The following SNX29 variants were observed in gnomAD, a reference collection of about 807,000 sequenced individuals.
SNX29 encodes the protein sorting nexin-29.
A neutral mutation model predicts 102.1 loss-of-function variants in SNX29; 78 were observed. The observed-to-expected ratio is 0.76, with a 90% CI of 0.64 to 0.92. SNX29 has a LOEUF of 0.92. Ranked by LOEUF, SNX29 falls within the 40% of genes least tolerant of loss-of-function variation. SNX29 has a pLI of 0.00. For synonymous variants in SNX29, 580 were observed against 414.5 expected (o/e 1.40, Z -4.85); for missense variants, 1,280 against 1,061.7 (o/e 1.21, Z -2.86).
intron 14 of SNX29, among the ~76,000 whole-genome samples, chr16:12,203,118 G>A (rs1022189401): frequency 1.3e-5 from 2 of 151,468 alleles, no homozygotes; most frequent in African/African-American, 2.4e-5. Flanking sequence ...CAGGTGGACT[G>A]GTGGCATTGG....
chr16:12,038,137 A>G (rs2057527348), intron 4 of SNX29, among the ~76,000 whole-genome samples: 1 of 152,206 alleles, frequency 6.6e-6, no homozygotes, highest in African/African-American at 2.4e-5. Flanking sequence ...TTTATTGGAT[A>G]CACTTTACAT....
intron 15 of SNX29, among the ~76,000 whole-genome samples, chr16:12,285,558 C>G (rs2079568688): frequency 6.6e-6 from 1 of 152,156 alleles, no homozygotes; most frequent in Non-Finnish European, 1.5e-5. Context: ...AAAATACACT[C>G]ATAATCACAC....
chr16:12,474,813 T>C (rs1315165897), intron 18 of SNX29, among the ~76,000 whole-genome samples: 2 of 152,242 alleles, frequency 1.3e-5, no homozygotes, highest in Non-Finnish European at 2.9e-5. Flanking sequence ...TTATAGTTGC[T>C]GTGTATCCTT....
chr16:12,539,091 C>G (rs139467500), intron 20 of SNX29, among the ~76,000 whole-genome samples: 1 of 152,290 alleles, frequency 6.6e-6, no homozygotes, highest in East Asian at 1.9e-4. Flanking sequence ...ATAGATTGCC[C>G]AGAGTCCTAC....
intron 1 of SNX29, among the ~76,000 whole-genome samples, chr16:11,979,554 T>G (rs933762982): frequency 6.6e-6 from 1 of 152,076 alleles, no homozygotes; most frequent in Admixed American, 6.6e-5. Flanking sequence ...TTTCTTCTGT[T>G]CCCCACTTAT....
chr16:12,564,951 A>G lies in SNX29; in HGVS notation c.2319-3555A>G, dbSNP rs77998110. Among the ~76,000 whole-genome samples the G allele has an allele frequency of 1.1e-3, 150 of 132,608 alleles. 4 individuals carry two copies. The highest frequency in any genetic ancestry group is 9.6e-4 in the South Asian group (4 of 4,174). 87.0% of individuals were successfully genotyped at this position (132,608 alleles called of 152,430 possible). ...CTTGGTGTTAAAAAAAAAAAAAAAA[A>G]GGCTGTCATTGTAAATGTGAGGCGT... On this transcript the variant is annotated intron_variant, in intron 20 of 20. Transcript: ENST00000566228.
At chr16:12,183,494 A>C (rs1461189320) in intron 13 of SNX29, among the ~76,000 whole-genome samples, 1 of 152,128 alleles carries the variant, frequency 6.6e-6, no homozygotes, top group Non-Finnish European at 1.5e-5. Flanking sequence ...CTGTGTATAG[A>C]TATGTATGTG....
intron 16 of SNX29, among the ~76,000 whole-genome samples, chr16:12,358,574 C>T (rs1217961966): frequency 6.6e-6 from 1 of 152,188 alleles, no homozygotes; most frequent in Admixed American, 6.5e-5. Flanking sequence ...TAATCTTCCC[C>T]TGCTATCCAT....
At chr16:12,563,848 G>C (rs1456330989) in intron 20 of SNX29, among the ~76,000 whole-genome samples, 3 of 152,184 alleles carry the variant, frequency 2.0e-5, no homozygotes, top group East Asian at 1.9e-4. Context: ...AAATATCCCT[G>C]CTGAATAGCC....
chr16:12,012,696 C>T (rs1020115937), intron 3 of SNX29, among the ~76,000 whole-genome samples: 3 of 152,066 alleles, frequency 2.0e-5, no homozygotes, highest in African/African-American at 4.8e-5. Context: ...CGTGAGCCAC[C>T]GTGCCTGGCA....
chr16:12,206,049 C>T (rs556040393), intron 14 of SNX29, among the ~76,000 whole-genome samples: 1 of 152,190 alleles, frequency 6.6e-6, no homozygotes, highest in Non-Finnish European at 1.5e-5. Flanking sequence ...ATGTGCATCA[C>T]CCCCATGTAA....
chr16:12,355,809 T>A (rs1302551869), intron 15 of SNX29, among the ~76,000 whole-genome samples: 2 of 139,220 alleles, frequency 1.4e-5, no homozygotes, highest in African/African-American at 2.7e-5. Flanking sequence ...CAGTTCCTTG[T>A]TAGATGTCTG....
chr16:12,461,160 A>T (rs144263872), intron 18 of SNX29, among the ~76,000 whole-genome samples: 270 of 152,312 alleles, frequency 1.8e-3, no homozygotes, highest in Non-Finnish European at 3.2e-3. Context: ...TGAAATCAAG[A>T]TTCTATCTCA....
chr16:12,307,951 T>C (rs1217557964), intron 15 of SNX29, among the ~76,000 whole-genome samples: 1 of 152,158 alleles, frequency 6.6e-6, no homozygotes, highest in African/African-American at 2.4e-5. Context: ...GTTTGAGTTG[T>C]CTTCAGGACA....
At chr16:12,547,692 G>C (rs35957798) in intron 20 of SNX29, among the ~76,000 whole-genome samples, 2 of 151,880 alleles carry the variant, frequency 1.3e-5, no homozygotes, top group African/African-American at 4.8e-5. Flanking sequence ...TGGCCCCCGC[G>C]TTCCTGTCTG....
chr16:12,276,615 G>A (rs929186680), intron 14 of SNX29, among the ~76,000 whole-genome samples: 1 of 152,208 alleles, frequency 6.6e-6, no homozygotes, highest in African/African-American at 2.4e-5. Context: ...AGAACACACA[G>A]GAAACTGATC....
intron 20 of SNX29, among the ~76,000 whole-genome samples, chr16:12,558,966 A>T (rs1392908365): frequency 6.6e-6 from 1 of 152,196 alleles, no homozygotes; most frequent in Non-Finnish European, 1.5e-5. Flanking sequence ...CAGGTAACAG[A>T]GGGATTCAGA....
At chr16:12,506,912 G>A (rs993865491) in intron 19 of SNX29, among the ~76,000 whole-genome samples, 1 of 150,918 alleles carries the variant, frequency 6.6e-6, no homozygotes, top group African/African-American at 2.4e-5. Flanking sequence ...TCTGTTTTCC[G>A]ATCACCACTC....
At chr16:12,368,181 C>T (rs1466959117) in intron 16 of SNX29, among the ~76,000 whole-genome samples, 1 of 152,204 alleles carries the variant, frequency 6.6e-6, no homozygotes, top group Admixed American at 6.5e-5. Flanking sequence ...CCCCTGGGGA[C>T]CCATGAGGGG....
Sources: allele counts gnomAD v4.1 joint callset (sites outside exome capture counted in the v4.1 genomes callset), GRCh38; gene constraint gnomAD v4.1.1; transcripts MANE v1.5; gene names NCBI Gene and HGNC (gene_info 2026-07-23, HGNC 2026-07-21).